SSH1: variants seen among roughly 807,000 people sequenced by gnomAD.
SSH1 encodes the protein protein phosphatase Slingshot homolog 1.
Under a neutral mutation model 79.7 loss-of-function variants are expected in SSH1, and 43 were observed. The observed-to-expected ratio is 0.54, with a 90% CI of 0.42 to 0.70. The LOEUF (loss-of-function observed/expected upper bound fraction) is 0.70, where lower values mean the gene tolerates loss of function less well. SSH1 is among the 30% of genes least tolerant of loss of function. The pLI is 0.00. For missense variants in SSH1, 1,206 were observed against 1,358.8 expected, an observed-to-expected ratio of 0.89 and a Z score of 1.77; for synonymous variants, 599 against 538.3, an observed-to-expected ratio of 1.11 and a Z score of -1.56.
At chr12:108,798,614 G>A (rs925917720) in intron 13 of SSH1, among the ~76,000 whole-genome samples, 4 of 152,202 alleles carry the variant, frequency 2.6e-5, no homozygotes, top group Non-Finnish European at 2.9e-5. Context: ...GCCTCTCCGA[G>A]TCCTTGGCTT....
chr12:108,846,509 C>A (rs951360124), intron 2 of SSH1, among the ~76,000 whole-genome samples: 1 of 152,200 alleles, frequency 6.6e-6, no homozygotes, highest in African/African-American at 2.4e-5. Context: ...TACGAGCGGC[C>A]AGCAGCAGCC....
rs554188820 is a variant in SSH1 at position 108,821,360 on chromosome 12, C to T, written c.214+1898G>A. Among the ~76,000 whole-genome samples, 9 of 151,176 alleles carry T rather than the reference C, an allele frequency of 6.0e-5. No individual in the cohort carries two copies. The East Asian group carries it at 1.6e-3, about 26-fold the overall frequency. On this transcript the variant is annotated intron_variant, in intron 3 of 14. Transcript: ENST00000326495. ...AGTGAGCTATGATCAGGCCACTGCA[C>T]GCCAGCCTGGGCAAGAGAATGAGAT...
In SSH1 at chr12:108,788,317, T is replaced by A; in HGVS notation, c.2821A>T (p.Ile941Phe). 6.2e-7 allele frequency: 1 copy of A among 1,613,364 alleles called. No individual in the cohort carries two copies. The highest frequency in any genetic ancestry group is 8.5e-7 in the Non-Finnish European group (1 of 1,179,936). The stretch of plus-strand genomic sequence containing the variant: ...CCGGGCTTCCCACGGACACTGTGGA[T>A]GCTATCGCTGCTGGAGCTCCGGGTC... ...NLTRSSSSDS[I>F]HSVRGKPGLV... Residue 941 changes from isoleucine to phenylalanine, a missense_variant, in exon 15 of 15, where the codon ATC becomes TTC. Ile to Phe is a conservative substitution (Grantham distance 21, BLOSUM62 0). Around this residue, in one of 5 missense-constraint regions of SSH1, gnomAD observed 709 missense variants for 730.6 expected, o/e 0.97. Coordinates refer to ENST00000326495, the MANE Select transcript of SSH1 (RefSeq NM_018984.4).
At position 108,786,555 on chromosome 12, in the gene SSH1, ATTAT is replaced by A. The variant is rs1023840721; in HGVS notation, c.*1429_*1432del. On this transcript the variant is annotated 3_prime_UTR_variant, in exon 15 of 15. Coordinates refer to ENST00000326495, the MANE Select transcript of SSH1 (RefSeq NM_018984.4). ...GTGGGCCACATGAATTCTGTCACAT[ATTAT>A]TTCTTTTTTTTACAACTCCTTAAAA... The A allele has an allele frequency of 1.6e-4, 25 of 152,152 alleles. No individual in the cohort carries two copies. Among genetic ancestry groups the A allele is most frequent in the African/African-American group, 5.1e-4 (21 of 41,444 alleles). The allele number at this position is 152,152 out of a possible 1,614,324, so 9.4% of individuals were successfully genotyped here.
In SSH1 at chr12:108,792,808, C is replaced by A. The variant is rs748365415; in HGVS notation, c.1371G>T (p.Leu457=). 1 of 1,613,694 alleles carries A rather than the reference C, an allele frequency of 6.2e-7. No individual in the cohort carries two copies. The highest frequency in any genetic ancestry group is 1.7e-5 in the Admixed American group (1 of 60,034). Reference sequence around the variant, plus strand: ...GGCTGCTGTCTGTCTGCTGACGCCACAGCTTGTTGTGCCGCTGTTTGCTGC... The same window carrying A: ...GGCTGCTGTCTGTCTGCTGACGCCAAAGCTTGTTGTGCCGCTGTTTGCTGC... ...LDASKQRHNK[L]WRQQTDSSLQ... is the part of the protein sequence containing the mutation. Residue 457 remains leucine, a synonymous_variant, in exon 14 of 15, where the codon CTG becomes CTT. Transcript: ENST00000326495.
Position 108,800,964 on chromosome 12 carries a change from T to C in SSH1, c.1002-38A>G, listed in dbSNP as rs149692888. The C allele has an allele frequency of 1.1e-4, 180 of 1,591,976 alleles. No homozygotes were observed. The African/African-American group carries it at 2.3e-3, about 21-fold the overall frequency. On this transcript the variant is annotated intron_variant, in intron 11 of 14. Coordinates refer to ENST00000326495, the MANE Select transcript of SSH1 (RefSeq NM_018984.4). ...AAAAATAAGAAACAAATTTGGACAA[T>C]CTGAATGAGAAAGAAAAGCAAGGTA...
chr12:108,829,373 T>G (rs1018686008), intron 2 of SSH1, among the ~76,000 whole-genome samples: 1 of 152,076 alleles, frequency 6.6e-6, no homozygotes, highest in African/African-American at 2.4e-5. Flanking sequence ...GTCTGGGAAT[T>G]CATATTTCTG....
At chr12:108,852,981 A>G in intron 1 of SSH1, 1 of 985,372 alleles carries the variant, frequency 1.0e-6, no homozygotes, top group Non-Finnish European at 1.2e-6. Context: ...TTTAGCCCTC[A>G]GCCCTCAACT....
At chr12:108,840,120 A>G (rs978714007) in intron 2 of SSH1, among the ~76,000 whole-genome samples, 2 of 152,158 alleles carry the variant, frequency 1.3e-5, no homozygotes, top group African/African-American at 4.8e-5. Flanking sequence ...CCCACACTGC[A>G]GGCTGGCCAG....
In SSH1 at chr12:108,800,834, G is replaced by A. The variant is rs778512980; in HGVS notation, c.1094C>T (p.Thr365Ile). Residue 365 changes from threonine to isoleucine, a missense_variant, in exon 12 of 15, where the codon ACC (threonine) becomes ATC (isoleucine). Thr to Ile is a moderately conservative substitution (Grantham distance 89). Coordinates refer to ENST00000326495, the MANE Select transcript of SSH1 (RefSeq NM_018984.4). Reference sequence around the variant, plus strand: ...ATTCCAGTGGGCGAGGAGGTCTGTGGTCTCTTCATCGTAGACTCGGATGTT... The same window carrying A: ...ATTCCAGTGGGCGAGGAGGTCTGTGATCTCTTCATCGTAGACTCGGATGTT... ...YHNIRVYDEE[T>I]TDLLAHWNEA... The A allele has an allele frequency of 6.2e-7, 1 of 1,614,100 alleles. No homozygotes were observed. Among genetic ancestry groups the A allele is most frequent in the Non-Finnish European group, 8.5e-7 (1 of 1,180,012 alleles).
chr12:108,811,170 G>A, intron 6 of SSH1, 90 bp downstream of exon 6: 1 of 1,181,008 alleles, frequency 8.5e-7, no homozygotes, highest in Non-Finnish European at 1.3e-6. Context: ...GTCATTCAGT[G>A]CTAATGATCA....
At chr12:108,829,264 T>C (rs904963758) in intron 2 of SSH1, among the ~76,000 whole-genome samples, 3 of 151,944 alleles carry the variant, frequency 2.0e-5, no homozygotes, top group African/African-American at 7.3e-5. Flanking sequence ...GAGGCGGAGG[T>C]TGCAGTGAGC....
In SSH1 at chr12:108,807,666, G is replaced by A. The variant is rs774153220; in HGVS notation, c.698C>T (p.Thr233Met). 19 of 1,612,814 alleles carry A rather than the reference G, an allele frequency of 1.2e-5. No homozygotes were observed. The highest frequency in any genetic ancestry group is 6.6e-5 in the South Asian group (6 of 91,014). ...EWNAMQDLES[T>M]RPDSPALFVD... The stretch of plus-strand genomic sequence containing the variant: ...AAATAGCGCGGGGGAGTCGGGCCGC[G>A]TAGACTCCAGGTCCTGCATGGCGTT... Residue 233 changes from threonine (T) to methionine (M), a missense_variant, in exon 8 of 15, where the codon ACG (threonine) becomes ATG (methionine). Thr to Met is a moderately conservative substitution (Grantham distance 81). Transcript: ENST00000326495. This position sits in a 1 kb window ranked among gnomAD's most constrained non-coding sequence, Gnocchi z 5.2.
rs761130609 is a variant in SSH1 at position 108,789,247 on chromosome 12, G to A, written c.1894-3C>T. 1.1e-5 allele frequency: 18 copies of A among 1,589,236 alleles called. No homozygotes were observed. The highest frequency in any genetic ancestry group is 1.7e-4 in the Middle Eastern group (1 of 6,046). ...AGGATCCCAAATATAGCATCATCCTGCAAGGAAGGGGACAAGAGCATGGTG... is the reference window on the plus strand; with the variant it reads ...AGGATCCCAAATATAGCATCATCCTACAAGGAAGGGGACAAGAGCATGGTG... On this transcript the variant is annotated splice_region_variant and splice_polypyrimidine_tract_variant and intron_variant, in intron 14 of 14. Coordinates refer to ENST00000326495, the MANE Select transcript of SSH1 (RefSeq NM_018984.4).
chr12:108,787,808 T>C lies in SSH1; in HGVS notation c.*180A>G, dbSNP rs148138302. 1.8e-5 allele frequency: 14 copies of C among 787,404 alleles called. No homozygotes were observed. The African/African-American group carries it at 2.3e-4, about 13-fold the overall frequency. 48.8% of individuals were successfully genotyped at this position (787,404 alleles called of 1,614,324 possible). On this transcript the variant is annotated 3_prime_UTR_variant, in exon 15 of 15. Coordinates refer to ENST00000326495, the MANE Select transcript of SSH1 (RefSeq NM_018984.4). ...GCCACACGACTGACAGCTCCCCTTCTTGTGCTGCATGTTGGTTAGTTTCTT... is the reference window on the plus strand; with the variant it reads ...GCCACACGACTGACAGCTCCCCTTCCTGTGCTGCATGTTGGTTAGTTTCTT...
Position 108,799,186 on chromosome 12 carries a change from T to C in SSH1, c.1163A>G (p.Lys388Arg). 1.9e-6 allele frequency: 3 copies of C among 1,613,486 alleles called. No homozygotes were observed. The highest frequency in any genetic ancestry group is 2.5e-6 in the Non-Finnish European group (3 of 1,179,696). The change falls in exon 13 of 15, where the codon AAG (lysine) becomes AGG (arginine). Residue 388 changes from lysine (K) to arginine (R), a missense_variant. Lys to Arg is a conservative substitution (Grantham distance 26, BLOSUM62 2). Transcript: ENST00000326495. The stretch of plus-strand genomic sequence containing the variant: ...GCCCATTTTGCAATGCACCAGGCAC[T>C]TGGAATGGTTCCTCCTGCAGGGGTG... ...FINKAKRNHS[K>R]CLVHCKMGVS...
chr12:108,844,183 C>T (rs11114068), intron 2 of SSH1, among the ~76,000 whole-genome samples: 10 of 151,712 alleles, frequency 6.6e-5, no homozygotes, highest in Non-Finnish European at 4.4e-5. Flanking sequence ...AAGGCCTGCC[C>T]GAGATCATAT....
At chr12:108,823,122 G>A (rs1199909716) in intron 3 of SSH1, 136 bp downstream of exon 3, 3 of 800,746 alleles carry the variant, frequency 3.7e-6, no homozygotes, top group Non-Finnish European at 6.3e-6. Flanking sequence ...CTGAGCCTCT[G>A]CCTGCACTGG....
rs186551162 is a variant in SSH1, at chr12:108,845,595, G to A, written c.110+7043C>T. Among the ~76,000 whole-genome samples, 250 of 152,300 alleles carry A rather than the reference G, an allele frequency of 1.6e-3. 2 individuals are homozygous for A. The highest frequency in any genetic ancestry group is 5.2e-3 in the African/African-American group (217 of 41,552). ...CCAGATACTTGGGAGGCTGAGGCAG[G>A]AGAATCGCTTGAACCCGGGAGGCGG... On this transcript the variant is annotated intron_variant, in intron 2 of 14. Coordinates refer to ENST00000326495, the MANE Select transcript of SSH1 (RefSeq NM_018984.4).
Sources: allele counts gnomAD v4.1 joint callset (sites outside exome capture counted in the v4.1 genomes callset), GRCh38; gene constraint gnomAD v4.1.1; regional missense constraint gnomAD v4.1.1; non-coding constraint Gnocchi (gnomAD v3.1); transcripts MANE v1.5; gene names NCBI Gene and HGNC (gene_info 2026-07-23, HGNC 2026-07-21).